PREX1: variants seen among roughly 807,000 people sequenced by gnomAD.
PREX1 encodes the protein phosphatidylinositol 3,4,5-trisphosphate-dependent Rac exchanger 1 protein.
In PREX1, 41 loss-of-function variants were observed where a neutral mutation model predicts 198.3. The observed-to-expected ratio is 0.21, with a 90% CI of 0.16 to 0.27. The LOEUF is 0.27. Ranked by LOEUF, PREX1 falls within the 10% of genes least tolerant of loss-of-function variation. The pLI, the probability that PREX1 is intolerant of heterozygous loss-of-function variation, is 1.00. For synonymous variants in PREX1, 843 were observed against 887.2 expected (o/e 0.95, Z 0.89); for missense variants, 1,620 against 2,200.7 (o/e 0.74, Z 5.28).
At chr20:48,783,178 T>C (rs1003159038) in intron 1 of PREX1, among the ~76,000 whole-genome samples, 1 of 151,992 alleles carries the variant, frequency 6.6e-6, no homozygotes, top group Non-Finnish European at 1.5e-5. Context: ...GAAAATACCA[T>C]TTGTAAAGTG....
At chr20:48,842,034 C>T in the PREX1 span, among the ~76,000 whole-genome samples, 3 of 151,862 alleles carry the variant, frequency 2.0e-5, no homozygotes, top group Non-Finnish European at 4.4e-5. Flanking sequence ...TGCATCATTG[C>T]GTGTATATCT....
chr20:48,635,194 T>A (rs2089352829), intron 32 of PREX1, among the ~76,000 whole-genome samples: 1 of 152,084 alleles, frequency 6.6e-6, no homozygotes. Flanking sequence ...TCTCAGTTTC[T>A]CTCCCGCTCA....
intron 3 of PREX1, among the ~76,000 whole-genome samples, chr20:48,742,870 G>C (rs1329397005): frequency 6.6e-6 from 1 of 152,006 alleles, no homozygotes; most frequent in Non-Finnish European, 1.5e-5. Flanking sequence ...ACAGCCTCTG[G>C]GGCTCAGACA....
intron 6 of PREX1, among the ~76,000 whole-genome samples, chr20:48,704,256 C>G (rs376683069): frequency 6.6e-6 from 1 of 152,206 alleles, no homozygotes; most frequent in African/African-American, 2.4e-5. Context: ...TAACTCAGGC[C>G]GCTCTTCGAA....
intron 15 of PREX1, 62 bp from the exon 16 acceptor site, chr20:48,660,123 G>A (rs2089579321): frequency 6.3e-7 from 1 of 1,596,272 alleles, no homozygotes; most frequent in Non-Finnish European, 8.5e-7. Flanking sequence ...AGCCATGTTT[G>A]CCAACTGGCA....
At chr20:48,745,977 C>T (rs1020067409) in intron 2 of PREX1, among the ~76,000 whole-genome samples, 5 of 152,148 alleles carry the variant, frequency 3.3e-5, no homozygotes, top group Non-Finnish European at 7.4e-5. Context: ...TACTTTGCCT[C>T]TCTGAGTCTT....
chr20:48,626,252 C>T (rs1377905562), intron 39 of PREX1, among the ~76,000 whole-genome samples: 4 of 152,336 alleles, frequency 2.6e-5, no homozygotes, highest in East Asian at 1.9e-4. Context: ...CTGCCCCTTA[C>T]GCAGTTTCAC....
chr20:48,747,754 A>T, intron 2 of PREX1, 55 bp downstream of exon 2: 2 of 1,537,770 alleles, frequency 1.3e-6, no homozygotes, highest in Non-Finnish European at 1.8e-6. Flanking sequence ...CGGGAAGAGC[A>T]AGGCACAAAG....
chr20:48,689,763 T>C (rs2089807170), intron 9 of PREX1, among the ~76,000 whole-genome samples: 1 of 152,238 alleles, frequency 6.6e-6, no homozygotes, highest in African/African-American at 2.4e-5. Context: ...TTTTAATAAA[T>C]GTTGGTGCAA....
In PREX1 at chr20:48,680,153, T is replaced by C. The variant is rs117941757; in HGVS notation, c.1436-399A>G. On this transcript the variant is annotated intron_variant, in intron 11 of 39. Coordinates refer to ENST00000371941, the MANE Select transcript of PREX1 (RefSeq NM_020820.4). ...AAGCATGCTGGGGCCTGAGACCACA[T>C]TGCTGAGATTTACGGAGCCATCTCT... Among the ~76,000 whole-genome samples the C allele has an allele frequency of 4.9e-4, 75 of 152,312 alleles. 1 individual carries two copies. The East Asian group carries it at 0.011, about 22-fold the overall frequency.
intron 18 of PREX1, among the ~76,000 whole-genome samples, chr20:48,655,666 C>G (rs953713792): frequency 2.0e-5 from 3 of 152,182 alleles, no homozygotes; most frequent in Admixed American, 6.5e-5. Flanking sequence ...CCATCATTCT[C>G]CTGTCCTAAG....
chr20:48,661,327 G>A (rs1460643539), intron 15 of PREX1, among the ~76,000 whole-genome samples: 1 of 144,894 alleles, frequency 6.9e-6, no homozygotes, highest in African/African-American at 2.6e-5. Context: ...GCTGAGGCAG[G>A]AGAACTGCTT....
chr20:48,649,911 G>T, intron 24 of PREX1, 85 bp downstream of exon 24: 2 of 1,477,218 alleles, frequency 1.4e-6, no homozygotes, highest in Non-Finnish European at 9.4e-7. Flanking sequence ...TTCCAGCCCT[G>T]GACGGCTGAC....
chr20:48,705,144 C>T (rs575012605), intron 6 of PREX1, among the ~76,000 whole-genome samples: 2 of 152,356 alleles, frequency 1.3e-5, no homozygotes, highest in African/African-American at 2.4e-5. Flanking sequence ...TGACCCATGA[C>T]GGGGGTACTC....
intron 5 of PREX1, among the ~76,000 whole-genome samples, chr20:48,709,470 G>A (rs2089920756): frequency 6.6e-6 from 1 of 152,186 alleles, no homozygotes; most frequent in Non-Finnish European, 1.5e-5. Context: ...CCGGGCCTCG[G>A]CTTCATCATC....
At chr20:48,878,958 A>G in the PREX1 span, among the ~76,000 whole-genome samples, 2 of 152,242 alleles carry the variant, frequency 1.3e-5, no homozygotes, top group Non-Finnish European at 2.9e-5. Context: ...GAGAAAACTC[A>G]CTTGTGAGTA....
At chr20:48,674,970 C>T (rs147672060) in intron 14 of PREX1, among the ~76,000 whole-genome samples, 3 of 152,316 alleles carry the variant, frequency 2.0e-5, no homozygotes, top group African/African-American at 7.2e-5. Flanking sequence ...CCAAGACCAT[C>T]CCAGTTTTAA....
At chr20:48,821,158 C>T (rs890551547) in intron 1 of PREX1, among the ~76,000 whole-genome samples, 14 of 152,054 alleles carry the variant, frequency 9.2e-5, no homozygotes, top group African/African-American at 3.1e-4. Flanking sequence ...GCCAAGATCA[C>T]GCCACTGCAC....
Position 48,654,821 on chromosome 20 carries a change from C to T in PREX1, c.2209+469G>A, listed in dbSNP as rs187987035. 7.2e-5 allele frequency among the ~76,000 whole-genome samples: 11 copies of T among 152,332 alleles called. No individual in the cohort carries two copies. In the East Asian group the frequency reaches 1.9e-3, roughly 27 times the overall value. ...TGGTTCCATCTCCAAGACATAGTGA[C>T]GCCTTTAATAGCACACAAGGAATAG... On this transcript the variant is annotated intron_variant, in intron 19 of 39. Coordinates refer to ENST00000371941, the MANE Select transcript of PREX1 (RefSeq NM_020820.4).
Sources: allele counts gnomAD v4.1 joint callset (sites outside exome capture counted in the v4.1 genomes callset), GRCh38; gene constraint gnomAD v4.1.1; transcripts MANE v1.5; gene names NCBI Gene and HGNC (gene_info 2026-07-23, HGNC 2026-07-21).